FHIT: variants seen among roughly 807,000 people sequenced by gnomAD.
FHIT encodes fragile histidine triad diadenosine triphosphatase, also known as bis(5'-adenosyl)-triphosphatase.
A neutral mutation model predicts 17.9 loss-of-function variants in FHIT; 19 were observed. The ratio of observed to expected loss-of-function variants is 1.06; its 90% confidence interval spans 0.74 to 1.56. The LOEUF (loss-of-function observed/expected upper bound fraction) is 1.56. Ranked by LOEUF, FHIT falls within the 40% of genes most tolerant of loss-of-function variation. The pLI is 0.00. For missense variants in FHIT, 248 were observed against 189.2 expected (o/e 1.31, Z -1.82); for synonymous variants, 81 against 69.7 (o/e 1.16, Z -0.81).
intron 5 of FHIT, among the ~76,000 whole-genome samples, chr3:60,032,326 C>T (rs1701035026): frequency 6.6e-6 from 1 of 151,918 alleles, no homozygotes. Context: ...GTGGCGTGCA[C>T]GTGTGGTCTC....
intron 4 of FHIT, among the ~76,000 whole-genome samples, chr3:60,577,272 T>C (rs1395221510): frequency 6.6e-6 from 1 of 152,030 alleles, no homozygotes; most frequent in Non-Finnish European, 1.5e-5. Context: ...CAGCAGCAAT[T>C]TGAGGGACCA....
At chr3:60,457,135 C>T (rs1437119928) in intron 5 of FHIT, among the ~76,000 whole-genome samples, 1 of 152,004 alleles carries the variant, frequency 6.6e-6, no homozygotes, top group Admixed American at 6.6e-5. Context: ...CAATCCTAAG[C>T]CAAAAGAACA....
At chr3:60,954,817 T>C (rs375692072) in intron 3 of FHIT, among the ~76,000 whole-genome samples, 15 of 152,274 alleles carry the variant, frequency 9.9e-5, no homozygotes, top group African/African-American at 3.6e-4. Flanking sequence ...TTTACTCCCA[T>C]TAGGAATACC....
chr3:60,656,219 C>T (rs2040111809), intron 4 of FHIT, among the ~76,000 whole-genome samples: 1 of 152,206 alleles, frequency 6.6e-6, no homozygotes, highest in African/African-American at 2.4e-5. Flanking sequence ...TGTCATTCTT[C>T]TACACTTCTG....
intron 5 of FHIT, among the ~76,000 whole-genome samples, chr3:60,435,523 T>A (rs2030142764): frequency 6.6e-6 from 1 of 152,128 alleles, no homozygotes; most frequent in Non-Finnish European, 1.5e-5. Flanking sequence ...TTGGTTACAT[T>A]GGCGAGGAAG....
chr3:60,128,504 G>A (rs944252560), intron 5 of FHIT, among the ~76,000 whole-genome samples: 3 of 152,174 alleles, frequency 2.0e-5, no homozygotes, highest in African/African-American at 2.4e-5. Flanking sequence ...GTCCAGTCTC[G>A]GATATGTCTA....
At chr3:60,523,500 GAAAT>G (rs2035452838) in intron 5 of FHIT, among the ~76,000 whole-genome samples, 1 of 151,734 alleles carries the variant, frequency 6.6e-6, no homozygotes, top group African/African-American at 2.4e-5. Flanking sequence ...TCATCAGAAA[GAAAT>G]AGAGATCTAC....
chr3:59,963,294 A>T (rs1409199694), intron 7 of FHIT, among the ~76,000 whole-genome samples: 1 of 120,558 alleles, frequency 8.3e-6, no homozygotes, highest in Non-Finnish European at 2.0e-5. Flanking sequence ...ATAATAATAA[A>T]AGAAAAGAAA....
At position 61,157,643 on chromosome 3, in the gene FHIT, T is replaced by C. The variant is rs114194179; in HGVS notation, c.-164+42974A>G. Among the ~76,000 whole-genome samples the C allele has an allele frequency of 2.1e-3, 322 of 152,312 alleles. 3 individuals carry two copies. The highest frequency in any genetic ancestry group is 7.4e-3 in the African/African-American group (307 of 41,568). On this transcript the variant is annotated intron_variant, in intron 2 of 9. Coordinates refer to ENST00000492590, the MANE Select transcript of FHIT (RefSeq NM_002012.4). Reference sequence around the variant, plus strand: ...GTGATAGTCAGAAGAAAGGGGTGTTTAGTCATTTGTAGGGTCACAGAATGG... The same window carrying C: ...GTGATAGTCAGAAGAAAGGGGTGTTCAGTCATTTGTAGGGTCACAGAATGG...
chr3:60,877,246 T>C (rs1704708472), intron 3 of FHIT, among the ~76,000 whole-genome samples: 1 of 152,194 alleles, frequency 6.6e-6, no homozygotes, highest in Non-Finnish European at 1.5e-5. Flanking sequence ...TTGACACCCC[T>C]GCCTCCATAA....
chr3:60,829,257 T>C (rs1702233637), intron 3 of FHIT, among the ~76,000 whole-genome samples: 1 of 152,198 alleles, frequency 6.6e-6, no homozygotes, highest in Admixed American at 6.5e-5. Flanking sequence ...AAGTCAATAT[T>C]TACTTTGTAA....
chr3:60,554,339 A>G (rs1217658030), intron 4 of FHIT, among the ~76,000 whole-genome samples: 1 of 152,176 alleles, frequency 6.6e-6, no homozygotes, highest in African/African-American at 2.4e-5. Flanking sequence ...TACAAAAACA[A>G]TCCTTAAAGA....
intron 8 of FHIT, among the ~76,000 whole-genome samples, chr3:59,896,416 A>T (rs1403058318): frequency 6.6e-6 from 1 of 152,240 alleles, no homozygotes; most frequent in African/African-American, 2.4e-5. Flanking sequence ...TCCAAATAGC[A>T]TCCTTTATTT....
chr3:61,058,888 A>G (rs1256945433), intron 2 of FHIT, among the ~76,000 whole-genome samples: 1 of 152,212 alleles, frequency 6.6e-6, no homozygotes, highest in African/African-American at 2.4e-5. Context: ...AAGGTCATAC[A>G]GCTCATAAAT....
intron 4 of FHIT, among the ~76,000 whole-genome samples, chr3:60,596,387 G>A (rs1359263388): frequency 1.3e-5 from 2 of 152,032 alleles, no homozygotes; most frequent in Non-Finnish European, 2.9e-5. Flanking sequence ...ACTAGCCTTT[G>A]GGATCACCCT....
intron 8 of FHIT, among the ~76,000 whole-genome samples, chr3:59,855,523 G>A (rs1240189367): frequency 7.9e-5 from 12 of 152,046 alleles, no homozygotes; most frequent in Non-Finnish European, 1.8e-4. Context: ...TTACTATGAA[G>A]AAATTAAAAG....
intron 5 of FHIT, among the ~76,000 whole-genome samples, chr3:60,420,732 C>G (rs1415274870): frequency 6.6e-6 from 1 of 152,118 alleles, no homozygotes; most frequent in Non-Finnish European, 1.5e-5. Context: ...CATGGAGTGT[C>G]TTGGTATTTA....
chr3:59,816,575 G>A (rs1700606793), intron 8 of FHIT, among the ~76,000 whole-genome samples: 1 of 152,128 alleles, frequency 6.6e-6, no homozygotes, highest in African/African-American at 2.4e-5. Context: ...CATATTGTTT[G>A]CAGACAGTGA....
chr3:60,068,746 A>C (rs1249107856), intron 5 of FHIT, among the ~76,000 whole-genome samples: 1 of 152,248 alleles, frequency 6.6e-6, no homozygotes, highest in Non-Finnish European at 1.5e-5. Flanking sequence ...AATGAAACAT[A>C]ATTTTTTCCT....
Sources: gnomAD v4.1 joint callset for allele counts (sites outside exome capture counted in the v4.1 genomes callset) on GRCh38, gnomAD v4.1.1 for gene constraint, MANE v1.5 for transcripts, NCBI Gene and HGNC (gene_info 2026-07-23, HGNC 2026-07-21) for gene names.